The following USP34 variants were observed in gnomAD, a reference collection of about 807,000 sequenced individuals.
USP34 encodes the protein ubiquitin carboxyl-terminal hydrolase 34.
In USP34, 70 loss-of-function variants were observed where a neutral mutation model predicts 460.3. The ratio of observed to expected loss-of-function variants is 0.15; its 90% confidence interval spans 0.13 to 0.19. The LOEUF (loss-of-function observed/expected upper bound fraction) is 0.19, where lower values mean the gene tolerates loss of function less well. Ranked by LOEUF, USP34 falls within the 10% of genes least tolerant of loss-of-function variation. The pLI is 1.00. For synonymous variants in USP34, 1,647 were observed against 1,405.3 expected, an observed-to-expected ratio of 1.17 and a Z score of -3.85; for missense variants, 3,985 against 4,236.2, an observed-to-expected ratio of 0.94 and a Z score of 1.65.
intron 1 of USP34, among the ~76,000 whole-genome samples, chr2:61,442,896 TGTACAC>T (rs964573047): frequency 3.2e-4 from 25 of 78,718 alleles, no homozygotes; most frequent in African/African-American, 1.2e-3. Context: ...ATGTGATGTG[TGTACAC>T]ACACACACAC....
At position 61,189,013 on chromosome 2, in the gene USP34, T is replaced by C. The variant is rs766260000; in HGVS notation, c.9930A>G (p.Pro3310=). The stretch of plus-strand genomic sequence containing the variant: ...GCTCTTGCAGAGTTGGAATTAGAGC[T>C]GGGTTTAACTGTTTGGGAGTGTGTA... ...LSVHTPKQLN[P]ALIPTLQELL... Residue 3310 remains proline, a synonymous_variant, in exon 79 of 80, where the codon CCA becomes CCG. Coordinates refer to ENST00000398571, the MANE Select transcript of USP34 (RefSeq NM_014709.4). 2.2e-5 allele frequency: 35 copies of C among 1,614,116 alleles called. 1 individual carries two copies. Among genetic ancestry groups the C allele is most frequent in the Middle Eastern group, 3.3e-4 (2 of 6,084 alleles).
intron 18 of USP34, among the ~76,000 whole-genome samples, chr2:61,338,436 T>C (rs967001099): frequency 6.6e-6 from 1 of 152,248 alleles, no homozygotes; most frequent in African/African-American, 2.4e-5. Flanking sequence ...GCTCAACGTA[T>C]TGCCCTTTAA....
intron 27 of USP34, among the ~76,000 whole-genome samples, chr2:61,309,621 T>C (rs371593507): frequency 2.0e-5 from 3 of 152,220 alleles, no homozygotes; most frequent in African/African-American, 7.2e-5. Flanking sequence ...GTGAGATTCC[T>C]GCTCTCACCT....
At chr2:61,320,277 G>A (rs1690876313) in intron 21 of USP34, among the ~76,000 whole-genome samples, 3 of 152,170 alleles carry the variant, frequency 2.0e-5, no homozygotes, top group African/African-American at 7.2e-5. Context: ...GTATCTTAAG[G>A]ACAGGGCAGT....
At chr2:61,453,202 T>C (rs1695336382) in intron 1 of USP34, among the ~76,000 whole-genome samples, 1 of 150,822 alleles carries the variant, frequency 6.6e-6, no homozygotes, top group Non-Finnish European at 1.5e-5. Context: ...CTAGAGCCCA[T>C]GAGTTCGAGA....
At chr2:61,210,354 C>T (rs1185916101) in intron 69 of USP34, among the ~76,000 whole-genome samples, 3 of 152,178 alleles carry the variant, frequency 2.0e-5, no homozygotes, top group African/African-American at 7.2e-5. Context: ...CGTTTAGATA[C>T]ACAAATACTT....
At chr2:61,375,672 A>G (rs1423130690) in intron 8 of USP34, among the ~76,000 whole-genome samples, 5 of 149,598 alleles carry the variant, frequency 3.3e-5, no homozygotes, top group African/African-American at 9.8e-5. Context: ...GGGAGGCTGA[A>G]GCAGGAGAAT....
chr2:61,217,252 C>G (rs375379133), intron 67 of USP34, among the ~76,000 whole-genome samples: 1 of 152,196 alleles, frequency 6.6e-6, no homozygotes, highest in African/African-American at 2.4e-5. Context: ...CTTCCTATAA[C>G]TTAAGAGTCC....
chr2:61,392,532 G>A (rs1271845472), intron 5 of USP34, among the ~76,000 whole-genome samples: 3 of 152,134 alleles, frequency 2.0e-5, no homozygotes, highest in South Asian at 2.1e-4. Flanking sequence ...GCTGAGGCAG[G>A]ACAACTGCTT....
At chr2:61,256,252 T>C (rs1688721883) in intron 48 of USP34, 132 bp downstream of exon 48, 3 of 769,192 alleles carry the variant, frequency 3.9e-6, no homozygotes, top group Non-Finnish European at 6.4e-6. Flanking sequence ...AGTTGCTCCA[T>C]GAGACTGAGC....
intron 41 of USP34, among the ~76,000 whole-genome samples, chr2:61,267,106 G>A (rs1689072230): frequency 6.6e-6 from 1 of 152,136 alleles, no homozygotes; most frequent in Non-Finnish European, 1.5e-5. Context: ...ACATCTTGTG[G>A]AACTCCAATG....
chr2:61,435,787 G>C (rs1194758991), intron 1 of USP34, among the ~76,000 whole-genome samples: 1 of 152,260 alleles, frequency 6.6e-6, no homozygotes. Context: ...CCAGCACTTT[G>C]GGAGGCCACG....
At chr2:61,469,980 T>C (rs1046270317) in intron 1 of USP34, among the ~76,000 whole-genome samples, 1 of 152,228 alleles carries the variant, frequency 6.6e-6, no homozygotes, top group East Asian at 1.9e-4. Context: ...GGATGGTATG[T>C]GTAGTACAGT....
chr2:61,345,367 A>G (rs1022710003), intron 15 of USP34, among the ~76,000 whole-genome samples: 1 of 152,226 alleles, frequency 6.6e-6, no homozygotes, highest in African/African-American at 2.4e-5. Context: ...AGAATTAAAA[A>G]GCAAAGGAAA....
intron 41 of USP34, 26 bp downstream of exon 41, chr2:61,278,139 A>T: frequency 6.2e-7 from 1 of 1,607,472 alleles, no homozygotes; most frequent in Non-Finnish European, 8.5e-7. Flanking sequence ...CATTTCATAG[A>T]AACATTTGAT....
At chr2:61,437,774 AAAATAAATAAAT>A (rs61610795) in intron 1 of USP34, among the ~76,000 whole-genome samples, 20 of 134,540 alleles carry the variant, frequency 1.5e-4, no homozygotes, top group South Asian at 1.2e-3. Context: ...CTCCGTCTCA[AAAATAAATAAAT>A]AAATAAATAA....
chr2:61,453,819 A>T (rs1003642342), intron 1 of USP34, among the ~76,000 whole-genome samples: 1 of 151,900 alleles, frequency 6.6e-6, no homozygotes, highest in East Asian at 1.9e-4. Flanking sequence ...AAATATTTTC[A>T]TATTTTTTTA....
chr2:61,226,775 A>G, intron 62 of USP34: 1 of 249,778 alleles, frequency 4.0e-6, no homozygotes. Context: ...TTAAAGAACG[A>G]ATGCACGCTC....
At chr2:61,437,775 A>AAATAAATAAATG (rs1265052855) in intron 1 of USP34, among the ~76,000 whole-genome samples, 4 of 15,378 alleles carry the variant, frequency 2.6e-4, no homozygotes, top group African/African-American at 7.4e-4. Flanking sequence ...TCCGTCTCAA[A>AAATAAATAAATG]AATAAATAAA....
Sources: gnomAD v4.1 joint callset for allele counts (sites outside exome capture counted in the v4.1 genomes callset) on GRCh38, gnomAD v4.1.1 for gene constraint, MANE v1.5 for transcripts, NCBI Gene and HGNC (gene_info 2026-07-23, HGNC 2026-07-21) for gene names.